Variants in CCNY observed in about 807,000 individuals in gnomAD.
CCNY encodes cyclin Y, also known as cyclin-Y.
A neutral mutation model predicts 42.8 loss-of-function variants in CCNY; 19 were observed. That is an observed-to-expected ratio of 0.44 (90% CI 0.31 to 0.65). CCNY has a LOEUF of 0.65. CCNY is among the 30% of genes least tolerant of loss of function. CCNY has a pLI of 0.07. For synonymous variants in CCNY, 165 were observed against 162.7 expected (o/e 1.01, Z -0.11); for missense variants, 370 against 437.3 (o/e 0.85, Z 1.37).
intron 1 of CCNY, among the ~76,000 whole-genome samples, chr10:35,396,704 G>A (rs1021175424): frequency 6.6e-6 from 1 of 152,198 alleles, no homozygotes; most frequent in African/African-American, 2.4e-5. Context: ...GATTCCTGCT[G>A]GGCCAGGCAC....
intron 1 of CCNY, among the ~76,000 whole-genome samples, chr10:35,441,315 A>G (rs1838662147): frequency 6.6e-6 from 1 of 152,244 alleles, no homozygotes; most frequent in Admixed American, 6.5e-5. Context: ...GAACAGAGAC[A>G]AGATGAATAA....
At chr10:35,313,172 G>C (rs898168422) in intron 3 of CCNY, among the ~76,000 whole-genome samples, 3 of 152,078 alleles carry the variant, frequency 2.0e-5, no homozygotes, top group African/African-American at 7.2e-5. Context: ...ACGTGGACTC[G>C]TGTTTGAAAG....
chr10:35,524,561 T>C (rs547739750), intron 4 of CCNY, among the ~76,000 whole-genome samples: 170 of 152,342 alleles, frequency 1.1e-3, no homozygotes, highest in African/African-American at 3.6e-3. Flanking sequence ...GTCGGTACCC[T>C]GAGAGGATCA....
At chr10:35,550,483 C>T (rs1841230430) in intron 7 of CCNY, among the ~76,000 whole-genome samples, 1 of 152,090 alleles carries the variant, frequency 6.6e-6, no homozygotes, top group Admixed American at 6.6e-5. Flanking sequence ...TCCCTCCCCA[C>T]TCCTTTTGTC....
chr10:35,485,120 A>G (rs1015333357), intron 2 of CCNY, among the ~76,000 whole-genome samples: 1 of 152,236 alleles, frequency 6.6e-6, no homozygotes. Flanking sequence ...AGTCTCATAG[A>G]AAAAGGGAAA....
intron 7 of CCNY, among the ~76,000 whole-genome samples, chr10:35,536,141 A>T (rs1380385442): frequency 6.6e-6 from 1 of 152,188 alleles, no homozygotes; most frequent in Non-Finnish European, 1.5e-5. Context: ...ACATGGCAGC[A>T]GTTTCCCCCA....
intron 3 of CCNY, among the ~76,000 whole-genome samples, chr10:35,303,527 C>T (rs1835563464): frequency 6.6e-6 from 1 of 151,028 alleles, no homozygotes; most frequent in Non-Finnish European, 1.5e-5. Flanking sequence ...CCTGTAATCC[C>T]AGCACTTTGG....
At chr10:35,342,875 G>A (rs1011705785) in intron 1 of CCNY, among the ~76,000 whole-genome samples, 1 of 151,952 alleles carries the variant, frequency 6.6e-6, no homozygotes, top group Non-Finnish European at 1.5e-5. Context: ...AGAATGATCC[G>A]TGTCTAGAAT....
upstream of CCNY, chr10:35,335,899 G>GACAGAGACACAC (rs1394453543): frequency 1.5e-5 from 1 of 64,704 alleles, no homozygotes; most frequent in Non-Finnish European, 3.1e-5. Flanking sequence ...CTACTTTGGA[G>GACAGAGACACAC]ACACACACAC....
intron 3 of CCNY, among the ~76,000 whole-genome samples, chr10:35,309,083 T>C (rs1262959288): frequency 1.3e-5 from 2 of 152,026 alleles, no homozygotes; most frequent in African/African-American, 4.8e-5. Flanking sequence ...CTGGGGTATA[T>C]GGGGGAGTCC....
intron 1 of CCNY, among the ~76,000 whole-genome samples, chr10:35,386,456 G>A (rs1837302160): frequency 1.3e-5 from 2 of 152,220 alleles, no homozygotes; most frequent in Non-Finnish European, 2.9e-5. Context: ...TAGTGACTGA[G>A]TCTAAGGGAG....
At chr10:35,457,940 T>G (rs1038275608) in intron 1 of CCNY, among the ~76,000 whole-genome samples, 1 of 152,224 alleles carries the variant, frequency 6.6e-6, no homozygotes, top group African/African-American at 2.4e-5. Context: ...ATGAGTTGGA[T>G]TCTTTCTGAA....
intron 4 of CCNY, among the ~76,000 whole-genome samples, chr10:35,517,576 A>AGGACTATAGCCATCTGTAGTCAGTGT (rs1166392464): frequency 2.0e-5 from 3 of 152,204 alleles, no homozygotes; most frequent in African/African-American, 7.2e-5. Context: ...TCAGGCAGTG[A>AGGACTATAGCCATCTGTAGTCAGTGT]GGACTATAGC....
intron 3 of CCNY, among the ~76,000 whole-genome samples, chr10:35,251,318 T>A (rs1330818490): frequency 1.3e-5 from 2 of 152,198 alleles, no homozygotes; most frequent in African/African-American, 4.8e-5. Context: ...TATTGGTGTC[T>A]GAATCCAATA....
chr10:35,264,859 C>A (rs562739224), intron 3 of CCNY, among the ~76,000 whole-genome samples: 2 of 152,166 alleles, frequency 1.3e-5, no homozygotes, highest in African/African-American at 4.8e-5. Flanking sequence ...AAACTCCTGA[C>A]CTCAGGTGAT....
chr10:35,342,244 C>A (rs1836197601), intron 1 of CCNY, among the ~76,000 whole-genome samples: 2 of 152,210 alleles, frequency 1.3e-5, no homozygotes, highest in South Asian at 4.1e-4. Context: ...TGAGTCTCTA[C>A]AATCTATTTA....
chr10:35,563,305 C>T (rs1346013854), intron 8 of CCNY, among the ~76,000 whole-genome samples: 1 of 152,148 alleles, frequency 6.6e-6, no homozygotes, highest in Non-Finnish European at 1.5e-5. Context: ...TTCCAGGGAA[C>T]CCTGGGAAAA....
chr10:35,399,813 G>A (rs1300893647), intron 1 of CCNY, among the ~76,000 whole-genome samples: 5 of 152,050 alleles, frequency 3.3e-5, no homozygotes, highest in Non-Finnish European at 5.9e-5. Context: ...AGTGCCATGC[G>A]GGGGAGAAAA....
At position 35,483,435 on chromosome 10, in the gene CCNY, T is replaced by C. The variant is rs751320399; in HGVS notation, c.186T>C (p.His62=). The change falls in exon 2 of 10, where the codon CAT becomes CAC. Residue 62 remains histidine, a synonymous_variant. Transcript: ENST00000374704. The part of the protein sequence containing the change: ...DLNMEFNPSD[H]PRASTIFLSK... Reference sequence around the variant, plus strand: ...ACATGGAATTCAATCCTTCAGATCATCCTCGGGCCAGCACAATATTCCTCA... The same window carrying C: ...ACATGGAATTCAATCCTTCAGATCACCCTCGGGCCAGCACAATATTCCTCA... 4 of 1,608,908 alleles carry C rather than the reference T, an allele frequency of 2.5e-6. No individual in the cohort carries two copies. The South Asian group carries it at 4.4e-5, about 18-fold the overall frequency.
Sources: gnomAD v4.1 joint callset for allele counts (sites outside exome capture counted in the v4.1 genomes callset) on GRCh38, gnomAD v4.1.1 for gene constraint, MANE v1.5 for transcripts, NCBI Gene and HGNC (gene_info 2026-07-23, HGNC 2026-07-21) for gene names.